Variants in TSPEAR observed in about 807,000 individuals in gnomAD.
TSPEAR encodes thrombospondin type laminin G domain and EAR repeats.
TSPEAR carries 69 observed loss-of-function variants against 71.6 expected under a neutral mutation model. The ratio of observed to expected loss-of-function variants is 0.96; its 90% confidence interval spans 0.79 to 1.18. The LOEUF (loss-of-function observed/expected upper bound fraction) is 1.18. Among genes scored for constraint, TSPEAR ranks in the 50% most tolerant of loss-of-function variants. TSPEAR has a pLI of 0.00. For missense variants in TSPEAR, 971 were observed against 894.9 expected (o/e 1.09, Z -1.09); for synonymous variants, 402 against 387.2 (o/e 1.04, Z -0.45).
At chr21:44,689,457 A>G (rs1223544176) in intron 1 of TSPEAR, among the ~76,000 whole-genome samples, 2 of 151,084 alleles carry the variant, frequency 1.3e-5, no homozygotes, top group African/African-American at 4.9e-5. Context: ...AGCTGAGATC[A>G]TGCCACTGCA....
At chr21:44,678,483 C>T (rs1395955820) in intron 1 of TSPEAR, among the ~76,000 whole-genome samples, 2 of 152,156 alleles carry the variant, frequency 1.3e-5, no homozygotes, top group African/African-American at 4.8e-5. Flanking sequence ...AAGCAGAAGC[C>T]TCTATGGTTC....
chr21:44,695,692 G>A lies in TSPEAR; in HGVS notation c.82+15741C>T, dbSNP rs969278984. Reference sequence around the variant, plus strand: ...GCCAGGATATGAATATTTACACCACGGATGACAGCTAACACTCCACGCCAG... The same window carrying A: ...GCCAGGATATGAATATTTACACCACAGATGACAGCTAACACTCCACGCCAG... On this transcript the variant is annotated intron_variant, in intron 1 of 11. Coordinates refer to ENST00000323084, the MANE Select transcript of TSPEAR (RefSeq NM_144991.3). The surrounding 1 kb of genome is among the most constrained non-coding windows in gnomAD (Gnocchi z 4.5). Among the ~76,000 whole-genome samples, 5 of 152,252 alleles carry A rather than the reference G, an allele frequency of 3.3e-5. No individual in the cohort carries two copies. The highest frequency in any genetic ancestry group is 4.8e-5 in the African/African-American group (2 of 41,528).
rs2052708258 is a variant in TSPEAR at position 44,520,309 on chromosome 21, G to A, written c.1566+1574C>T. On this transcript the variant is annotated intron_variant, in intron 9 of 11. Coordinates refer to ENST00000323084, the MANE Select transcript of TSPEAR (RefSeq NM_144991.3). This position sits in a 1 kb window ranked among gnomAD's most constrained non-coding sequence, Gnocchi z 4.2. Reference sequence around the variant, plus strand: ...TGCCTACTCCCAGCCCCACTGCCCTGCAGGTACCCTCCCAACTTTCCCAGC... The same window carrying A: ...TGCCTACTCCCAGCCCCACTGCCCTACAGGTACCCTCCCAACTTTCCCAGC... 2 of 151,944 alleles carry A rather than the reference G, an allele frequency of 1.3e-5. No homozygotes were observed. Among genetic ancestry groups the A allele is most frequent in the Non-Finnish European group, 2.9e-5 (2 of 67,964 alleles). 9.4% of individuals were successfully genotyped at this position (151,944 alleles called of 1,614,324 possible).
At chr21:44,601,785 C>A (rs1243103110) in intron 1 of TSPEAR, 58 of 1,570,108 alleles carry the variant, frequency 3.7e-5, no homozygotes, top group Non-Finnish European at 4.9e-5. Context: ...CCACCTGCAC[C>A]CCTGGATTCT....
At chr21:44,507,789 C>T (rs1360456541) in intron 10 of TSPEAR, among the ~76,000 whole-genome samples, 2 of 152,206 alleles carry the variant, frequency 1.3e-5, no homozygotes, top group Non-Finnish European at 2.9e-5. Flanking sequence ...TCGGCGTTGA[C>T]ATTGGATGGC....
intron 1 of TSPEAR, among the ~76,000 whole-genome samples, chr21:44,602,653 T>C (rs1351105977): frequency 4.6e-5 from 7 of 152,218 alleles, no homozygotes; most frequent in Non-Finnish European, 1.0e-4. Context: ...AGTCTGGAAT[T>C]CTGGCGTAGC....
At chr21:44,654,294 G>C (rs1212492303) in intron 1 of TSPEAR, 13 of 1,613,664 alleles carry the variant, frequency 8.1e-6, no homozygotes, top group Non-Finnish European at 1.1e-5. Flanking sequence ...CAGTGGGGGT[G>C]CTCCAGGTGA....
At chr21:44,674,040 C>A (rs375668246) in intron 1 of TSPEAR, among the ~76,000 whole-genome samples, 3 of 151,034 alleles carry the variant, frequency 2.0e-5, no homozygotes, top group Non-Finnish European at 4.4e-5. Flanking sequence ...GTCCCAGCTG[C>A]TAGGGAGGTT....
Position 44,596,856 on chromosome 21 carries a change from C to T in TSPEAR, c.83-28851G>A, listed in dbSNP as rs78669539. On this transcript the variant is annotated intron_variant, in intron 1 of 11. Coordinates refer to ENST00000323084, the MANE Select transcript of TSPEAR (RefSeq NM_144991.3). ...GTTTCTGTTATTGATCTTAATAACTCGTGGGAGCTCTTTGGATATTAAGCA... is the reference window on the plus strand; with the variant it reads ...GTTTCTGTTATTGATCTTAATAACTTGTGGGAGCTCTTTGGATATTAAGCA... Among the ~76,000 whole-genome samples the T allele has an allele frequency of 6.8e-3, 1,037 of 152,236 alleles. 5 individuals carry two copies. The highest frequency in any genetic ancestry group is 0.012 in the Non-Finnish European group (787 of 68,016).
intron 2 of TSPEAR, among the ~76,000 whole-genome samples, chr21:44,535,166 A>T (rs2053067522): frequency 6.6e-6 from 1 of 152,170 alleles, no homozygotes; most frequent in Non-Finnish European, 1.5e-5. Context: ...GCTGCACAAC[A>T]ACATGGATGT....
intron 1 of TSPEAR, among the ~76,000 whole-genome samples, chr21:44,696,619 C>T (rs552267803): frequency 3.9e-5 from 6 of 152,290 alleles, no homozygotes; most frequent in South Asian, 2.1e-4. Flanking sequence ...CATTGGTCTA[C>T]GGATTCAAGA....
chr21:44,508,929 G>GGT (rs782519085), intron 10 of TSPEAR: 4 of 1,523,214 alleles, frequency 2.6e-6, no homozygotes, highest in South Asian at 2.3e-5. Flanking sequence ...GATGAAAGGA[G>GGT]GTAATGGGTG....
At chr21:44,601,499 G>C (rs201563690) in intron 1 of TSPEAR, 1 of 1,612,800 alleles carries the variant, frequency 6.2e-7, no homozygotes, top group South Asian at 1.1e-5. Flanking sequence ...CAGTCTAGCT[G>C]CCAGCCGGCT....
rs146939385 is a variant in TSPEAR, at chr21:44,706,083, C to T, written c.82+5350G>A. On this transcript the variant is annotated intron_variant, in intron 1 of 11. Coordinates refer to ENST00000323084, the MANE Select transcript of TSPEAR (RefSeq NM_144991.3). Reference sequence around the variant, plus strand: ...ACCTACGTGATTATCGGGGCAGGTCCCCCGATAACCCCCAGCTGCAGATCG... The same window carrying T: ...ACCTACGTGATTATCGGGGCAGGTCTCCCGATAACCCCCAGCTGCAGATCG... Among the ~76,000 whole-genome samples the T allele has an allele frequency of 6.7e-3, 1,019 of 152,278 alleles. 8 individuals are homozygous for T. Among genetic ancestry groups the T allele is most frequent in the Non-Finnish European group, 9.2e-3 (629 of 68,024 alleles).
At chr21:44,619,678 A>C (rs1358736007) in intron 1 of TSPEAR, among the ~76,000 whole-genome samples, 2 of 152,380 alleles carry the variant, frequency 1.3e-5, no homozygotes, top group East Asian at 3.9e-4. Flanking sequence ...TTTAAAAAGA[A>C]ATTAAATAGA....
intron 1 of TSPEAR, among the ~76,000 whole-genome samples, chr21:44,707,302 T>TTG (rs1555952602): frequency 1.5e-5 from 2 of 135,858 alleles, no homozygotes; most frequent in African/African-American, 2.8e-5. Flanking sequence ...GGACGCGGGG[T>TTG]GGGGGGGGGT....
chr21:44,551,346 G>A, intron 2 of TSPEAR: 1 of 1,613,144 alleles, frequency 6.2e-7, no homozygotes, highest in Non-Finnish European at 8.5e-7. Flanking sequence ...GGGGGCTGGG[G>A]CACAGCAGCT....
At chr21:44,566,389 T>C (rs1460932662) in intron 2 of TSPEAR, among the ~76,000 whole-genome samples, 2 of 152,154 alleles carry the variant, frequency 1.3e-5, no homozygotes, top group East Asian at 3.8e-4. Context: ...CGTTCATTAA[T>C]CTGAAGTCCA....
At chr21:44,552,481 A>G (rs1229966293) in intron 2 of TSPEAR, among the ~76,000 whole-genome samples, 1 of 152,156 alleles carries the variant, frequency 6.6e-6, no homozygotes, top group Non-Finnish European at 1.5e-5. Flanking sequence ...ATGGTGGCCC[A>G]GAAAGCCTAT....
Sources: gnomAD v4.1 joint callset for allele counts (sites outside exome capture counted in the v4.1 genomes callset) on GRCh38, gnomAD v4.1.1 for gene constraint, Gnocchi (gnomAD v3.1) non-coding constraint, MANE v1.5 for transcripts, NCBI Gene and HGNC (gene_info 2026-07-23, HGNC 2026-07-21) for gene names.